Variants in CFAP184 observed in about 807,000 individuals in gnomAD.
The protein encoded by CFAP184 is cilia and flagella associated protein 184.
At chr4:7,042,915 A>G in the CFAP184 span, 4 of 1,538,444 alleles carry the variant, frequency 2.6e-6, no homozygotes, top group Non-Finnish European at 3.5e-6. Flanking sequence ...CGGGGTCCTT[A>G]GTGTGCTCAG....
chr4:7,042,200 G>T, the CFAP184 span: 1 of 1,599,156 alleles, frequency 6.3e-7, no homozygotes. Flanking sequence ...TGCAGGTATA[G>T]GTTGTAGCGC....
the CFAP184 span, chr4:7,041,898 C>T: frequency 6.2e-7 from 1 of 1,612,390 alleles, no homozygotes; most frequent in Middle Eastern, 1.6e-4. Context: ...GCCCGCCCCT[C>T]ATCCGACAGC....
At chr4:7,042,562 G>T in the CFAP184 span, 5 of 1,565,492 alleles carry the variant, frequency 3.2e-6, no homozygotes, top group Admixed American at 3.6e-5. Flanking sequence ...CAGTTCCTCC[G>T]CCCCCGCCTC....
chr4:7,042,491 C>T, the CFAP184 span: 2 of 1,609,882 alleles, frequency 1.2e-6, no homozygotes, highest in Middle Eastern at 1.6e-4. Context: ...TCTTCCTCAT[C>T]GATCCTGGTC....
the CFAP184 span, chr4:7,042,454 GTC>G: frequency 6.2e-7 from 1 of 1,611,104 alleles, no homozygotes; most frequent in African/African-American, 1.3e-5. Flanking sequence ...CACCCGCTCT[GTC>G]TCGGCCTCCG....
At chr4:7,042,287 T>C in the CFAP184 span, 2 of 1,591,330 alleles carry the variant, frequency 1.3e-6, no homozygotes, top group African/African-American at 2.7e-5. Context: ...TCCTGCAGCT[T>C]CTGGACCTCC....
At chr4:7,042,783 C>T in the CFAP184 span, 1 of 1,546,704 alleles carries the variant, frequency 6.5e-7, no homozygotes, top group Admixed American at 1.9e-5. Context: ...CCGCTTGCTC[C>T]TCCTCCTCCT....
At chr4:7,042,757 G>C in the CFAP184 span, 1 of 1,531,460 alleles carries the variant, frequency 6.5e-7, no homozygotes, top group Non-Finnish European at 8.8e-7. Flanking sequence ...GTCCGCGGCG[G>C]TGCCTCCCTG....
At chr4:7,041,739 G>C in the CFAP184 span, 1 of 1,614,010 alleles carries the variant, frequency 6.2e-7, no homozygotes. Context: ...GCAGACCCTG[G>C]GTCAGGTCCT....
the CFAP184 span, chr4:7,042,008 G>T: frequency 6.2e-7 from 1 of 1,612,302 alleles, no homozygotes. Flanking sequence ...CGCTTCAACT[G>T]GCCCAGCTCC....
chr4:7,042,944 C>G, the CFAP184 span: 2 of 1,419,172 alleles, frequency 1.4e-6, no homozygotes, highest in Non-Finnish European at 1.8e-6. Flanking sequence ...TCCATCTCCT[C>G]CCGGCTCGGC....
the CFAP184 span, chr4:7,041,205 G>T: frequency 1.3e-6 from 2 of 1,506,356 alleles, no homozygotes. Context: ...AGCAACGAAG[G>T]TAAAATAAAG....
At chr4:7,042,817 C>A in the CFAP184 span, 1 of 1,567,330 alleles carries the variant, frequency 6.4e-7, no homozygotes, top group Non-Finnish European at 8.6e-7. Context: ...CTCCAGCTCC[C>A]CGGGTTCGGG....
the CFAP184 span, chr4:7,042,559 T>C: frequency 1.3e-6 from 2 of 1,568,908 alleles, no homozygotes; most frequent in Non-Finnish European, 1.7e-6. Context: ...CTCCAGTTCC[T>C]CCGCCCCCGC....
chr4:7,042,015 C>A, the CFAP184 span: 1 of 1,612,274 alleles, frequency 6.2e-7, no homozygotes, highest in Non-Finnish European at 8.5e-7. Flanking sequence ...ACTGGCCCAG[C>A]TCCTGGTGGT....
the CFAP184 span, chr4:7,042,523 C>T: frequency 6.2e-7 from 1 of 1,603,122 alleles, no homozygotes; most frequent in East Asian, 2.2e-5. Context: ...GGCCTGGAAC[C>T]TGACTTCCTT....
the CFAP184 span, chr4:7,042,116 C>A: frequency 3.5e-4 from 568 of 1,607,314 alleles, no homozygotes; most frequent in Non-Finnish European, 4.0e-4. Flanking sequence ...GGGGCCTCGG[C>A]CTCTGCGCCC....
the CFAP184 span, chr4:7,042,725 C>G: frequency 6.6e-7 from 1 of 1,518,790 alleles, no homozygotes; most frequent in Non-Finnish European, 8.8e-7. Context: ...GCCGTTAGCC[C>G]TTTCGGGGCC....
chr4:7,041,903 G>C, the CFAP184 span: 1 of 1,612,170 alleles, frequency 6.2e-7, no homozygotes, highest in Non-Finnish European at 8.5e-7. Flanking sequence ...CCCCTCATCC[G>C]ACAGCTGCCC....
Sources: gnomAD v4.1 joint callset for allele counts on GRCh38, gnomAD v4.1.1 for gene constraint, MANE v1.5 for transcripts, NCBI Gene and HGNC (gene_info 2026-07-23, HGNC 2026-07-21) for gene names.